Variants in ACKR3 observed in about 807,000 individuals in gnomAD.
ACKR3 encodes atypical chemokine receptor 3.
In ACKR3, 6 loss-of-function variants were observed where a neutral mutation model predicts 22.4. That is an observed-to-expected ratio of 0.27 (90% CI 0.15 to 0.53). The LOEUF is 0.53. Among genes scored for constraint, ACKR3 ranks in the 20% least tolerant of loss-of-function variants. The pLI is 0.96. For missense variants in ACKR3, 396 were observed against 475.2 expected (o/e 0.83, Z 1.55); for synonymous variants, 209 against 205.2 (o/e 1.02, Z -0.16).
chr2:236,562,530 GT>G, the ACKR3 span, among the ~76,000 whole-genome samples: 2 of 152,088 alleles, frequency 1.3e-5, no homozygotes, highest in Non-Finnish European at 2.9e-5. Context: ...TTGCAGTGAA[GT>G]TTCTGGGTCA....
chr2:236,544,050 T>G, the ACKR3 span, among the ~76,000 whole-genome samples: 225 of 145,792 alleles, frequency 1.5e-3, 1 homozygote, highest in African/African-American at 5.3e-3. This position sits in a 1 kb window ranked among gnomAD's most constrained non-coding sequence, Gnocchi z 5.0. Context: ...GAATGCAGTA[T>G]GTGATCTCGG....
At chr2:236,561,651 C>T in the ACKR3 span, among the ~76,000 whole-genome samples, 1 of 152,100 alleles carries the variant, frequency 6.6e-6, no homozygotes, top group Non-Finnish European at 1.5e-5. Flanking sequence ...GCCACCATGC[C>T]TGGCTAATTT....
chr2:236,570,658 A>C (rs1444422594), intron 1 of ACKR3, among the ~76,000 whole-genome samples: 1 of 152,198 alleles, frequency 6.6e-6, no homozygotes, highest in African/African-American at 2.4e-5. Context: ...ACTATTTTGC[A>C]ATTTAAATAT....
chr2:236,559,311 T>C, the ACKR3 span, among the ~76,000 whole-genome samples: 1,253 of 152,328 alleles, frequency 8.2e-3, 17 homozygotes, highest in African/African-American at 0.029. Flanking sequence ...GCAAGTAATA[T>C]AAAGTATGCC....
chr2:236,579,105 C>G (rs1691470289), intron 1 of ACKR3, among the ~76,000 whole-genome samples: 4 of 152,190 alleles, frequency 2.6e-5, no homozygotes. Flanking sequence ...GAATCCCAAC[C>G]CAGGAATGTC....
At chr2:236,538,451 C>T in the ACKR3 span, among the ~76,000 whole-genome samples, 1 of 152,214 alleles carries the variant, frequency 6.6e-6, no homozygotes, top group Non-Finnish European at 1.5e-5. Context: ...GTGGGCTCAC[C>T]ACCCTGACCT....
chr2:236,570,092 A>G (rs1395687793), intron 1 of ACKR3, among the ~76,000 whole-genome samples, 168 bp downstream of exon 1: 3 of 152,226 alleles, frequency 2.0e-5, no homozygotes, highest in South Asian at 4.1e-4. Flanking sequence ...CTGCATTGCA[A>G]AGTGCTTTTG....
At chr2:236,547,791 C>T in the ACKR3 span, among the ~76,000 whole-genome samples, 6 of 152,008 alleles carry the variant, frequency 3.9e-5, no homozygotes, top group Non-Finnish European at 7.4e-5. Context: ...GTGCAGTCTG[C>T]CTTTTCTCCA....
At chr2:236,543,159 G>C in the ACKR3 span, among the ~76,000 whole-genome samples, 12,904 of 152,190 alleles carry the variant, frequency 0.085, 744 homozygotes, top group Non-Finnish European at 0.13. Flanking sequence ...AGTTATTCTA[G>C]CAGACAAGGA....
the ACKR3 span, among the ~76,000 whole-genome samples, chr2:236,545,787 A>G: frequency 4.6e-5 from 7 of 152,232 alleles, no homozygotes; most frequent in Admixed American, 2.0e-4. The surrounding 1 kb of genome is among the most constrained non-coding windows in gnomAD (Gnocchi z 5.3). Flanking sequence ...TGTGTTTTCC[A>G]AGCCAAATAA....
chr2:236,551,525 A>G, the ACKR3 span, among the ~76,000 whole-genome samples: 2 of 152,012 alleles, frequency 1.3e-5, no homozygotes, highest in East Asian at 1.9e-4. Flanking sequence ...TGAATCTCCC[A>G]GTGTGTATTG....
chr2:236,554,786 C>T, the ACKR3 span, among the ~76,000 whole-genome samples: 1 of 152,218 alleles, frequency 6.6e-6, no homozygotes, highest in Non-Finnish European at 1.5e-5. Context: ...ACCCTTCCTC[C>T]TGCTGTATCT....
chr2:236,566,884 C>T (rs1244123829), upstream of ACKR3, among the ~76,000 whole-genome samples: 2 of 151,006 alleles, frequency 1.3e-5, no homozygotes, highest in Admixed American at 6.6e-5. Flanking sequence ...TCTTTTCTTC[C>T]TTTCTCTCTC....
chr2:236,563,991 T>A (rs1014746953), upstream of ACKR3, among the ~76,000 whole-genome samples: 1 of 152,174 alleles, frequency 6.6e-6, no homozygotes, highest in African/African-American at 2.4e-5. Context: ...GGCAGGAGAA[T>A]AGGGTCTGGA....
chr2:236,581,818 C>T lies in ACKR3; in HGVS notation c.*264C>T. On this transcript the variant is annotated 3_prime_UTR_variant, in exon 2 of 2. Coordinates refer to ENST00000272928, the MANE Select transcript of ACKR3 (RefSeq NM_020311.3). This position sits in a 1 kb window ranked among gnomAD's most constrained non-coding sequence, Gnocchi z 4.4. ...CAGAGCCAGCTGAGGACAGGCTTGC[C>T]TGGACTTCTGTAAGATAGGATTTTC... 1 of 333,870 alleles carries T rather than the reference C, an allele frequency of 3.0e-6. No individual in the cohort carries two copies. The highest frequency in any genetic ancestry group is 5.7e-6 in the Non-Finnish European group (1 of 174,756). 20.7% of individuals were successfully genotyped at this position (333,870 alleles called of 1,614,324 possible).
chr2:236,558,874 C>A, the ACKR3 span, among the ~76,000 whole-genome samples: 3 of 152,136 alleles, frequency 2.0e-5, no homozygotes, highest in East Asian at 1.9e-4. Flanking sequence ...AAATTTAAAT[C>A]TTAAAACCAT....
chr2:236,553,177 G>T, the ACKR3 span, among the ~76,000 whole-genome samples: 1 of 149,732 alleles, frequency 6.7e-6, no homozygotes, highest in African/African-American at 2.5e-5. Flanking sequence ...GGGTGGGAGA[G>T]CAGGTGATAT....
At chr2:236,565,205 C>A (rs2106494007), upstream of ACKR3, among the ~76,000 whole-genome samples, 1 of 151,790 alleles carries the variant, frequency 6.6e-6, no homozygotes, top group Non-Finnish European at 1.5e-5. Context: ...TGACAAGCAC[C>A]CAGCTAGAAT....
chr2:236,543,983 A>T, the ACKR3 span, among the ~76,000 whole-genome samples: 1 of 56,242 alleles, frequency 1.8e-5, no homozygotes, highest in East Asian at 4.9e-4. Flanking sequence ...ATATATATAT[A>T]TATATATATA....
Sources: allele counts gnomAD v4.1 joint callset (sites outside exome capture counted in the v4.1 genomes callset), GRCh38; gene constraint gnomAD v4.1.1; non-coding constraint Gnocchi (gnomAD v3.1); transcripts MANE v1.5; gene names NCBI Gene and HGNC (gene_info 2026-07-23, HGNC 2026-07-21).